Variants in TFG observed in about 807,000 individuals in gnomAD.
TFG encodes the protein protein TFG.
Under a neutral mutation model 51.4 loss-of-function variants are expected in TFG, and 22 were observed. The ratio of observed to expected loss-of-function variants is 0.43; its 90% CI spans 0.31 to 0.61. The LOEUF is 0.61. Among genes scored for constraint, TFG ranks in the 20% least tolerant of loss-of-function variants. The probability of loss-of-function intolerance (pLI) is 0.12; values close to 1 mark genes in which losing one functional copy is unlikely to be tolerated. For missense variants in TFG, 419 were observed against 487.7 expected, an observed-to-expected ratio of 0.86 and a Z score of 1.33; for synonymous variants, 187 against 165.6, an observed-to-expected ratio of 1.13 and a Z score of -0.99.
intron 2 of TFG, among the ~76,000 whole-genome samples, chr3:100,717,299 C>G (rs902835776): frequency 2.0e-5 from 3 of 152,090 alleles, no homozygotes; most frequent in Non-Finnish European, 4.4e-5. Context: ...CCAGTCCATG[C>G]TTATTACAGC....
At chr3:100,728,482 G>A (rs1273182749) in intron 3 of TFG, among the ~76,000 whole-genome samples, 1 of 151,446 alleles carries the variant, frequency 6.6e-6, no homozygotes, top group Non-Finnish European at 1.5e-5. Flanking sequence ...TACCAGTAAG[G>A]TCATAGGCTA....
At chr3:100,730,149 G>A (rs2095087575) in intron 4 of TFG, among the ~76,000 whole-genome samples, 1 of 152,072 alleles carries the variant, frequency 6.6e-6, no homozygotes, top group Non-Finnish European at 1.5e-5. Flanking sequence ...ATAATTTCAG[G>A]GGATTTAACC....
At chr3:100,725,128 G>C (rs1477621835) in intron 3 of TFG, among the ~76,000 whole-genome samples, 1 of 151,896 alleles carries the variant, frequency 6.6e-6, no homozygotes, top group Non-Finnish European at 1.5e-5. Flanking sequence ...GGATGGTCTC[G>C]ATCTCCTGAC....
rs1267056633 is a variant in TFG at position 100,709,694 on chromosome 3, AGGC to A, written c.-64_-62del. 1 of 150,152 alleles carries A rather than the reference AGGC, an allele frequency of 6.7e-6. No individual in the cohort carries two copies. The highest frequency in any genetic ancestry group is 1.5e-5 in the Non-Finnish European group (1 of 67,162). 9.3% of individuals were successfully genotyped at this position (150,152 alleles called of 1,614,324 possible). A position where few individuals can be genotyped will look rare whatever the true frequency, so the allele number is the denominator to read the frequency against. ...GCCCATTCAGCGGAGACCTGCGGAG[AGGC>A]GGCGGCCGCGGCCTCCGCAAGCCGG... is the stretch of plus-strand genomic sequence containing the variant. On this transcript the variant is annotated 5_prime_UTR_variant, in exon 1 of 8. Coordinates refer to ENST00000240851, the MANE Select transcript of TFG (RefSeq NM_006070.6).
At position 100,713,831 on chromosome 3, in the gene TFG, T is replaced by C; in HGVS notation, c.146T>C (p.Leu49Pro). The C allele has an allele frequency of 1.3e-6, 2 of 1,578,392 alleles. No individual in the cohort carries two copies. The highest frequency in any genetic ancestry group is 1.7e-6 in the Non-Finnish European group (2 of 1,155,678). ...MMQRVFRGKL[L>P]SNDEVTIKYK... is the part of the protein sequence containing the mutation. ...CAACGAGTTTTCAGAGGAAAACTTC[T>C]GAGTAATGATGAAGTAACAATAAAG... Residue 49 changes from leucine to proline, a missense_variant, in exon 2 of 8, where the codon CTG (leucine) becomes CCG (proline). Transcript: ENST00000240851.
rs1248749419 is a variant in TFG, at chr3:100,736,556, A to C, written c.581-20A>C. 6.2e-7 allele frequency: 1 copy of C among 1,612,576 alleles called. No homozygotes were observed. Among genetic ancestry groups the C allele is most frequent in the South Asian group, 1.1e-5 (1 of 90,976 alleles). ...AGGCCTTGTGTTGGATACTAAACTGACTTTTTTTTGACTATCCAGGGCCAC... is the reference window on the plus strand; with the variant it reads ...AGGCCTTGTGTTGGATACTAAACTGCCTTTTTTTTGACTATCCAGGGCCAC... On this transcript the variant is annotated intron_variant, in intron 5 of 7. Transcript: ENST00000240851.
intron 5 of TFG, among the ~76,000 whole-genome samples, chr3:100,734,783 A>G (rs768456880): frequency 6.6e-5 from 10 of 152,164 alleles, no homozygotes; most frequent in Non-Finnish European, 1.5e-4. Context: ...AGACTTTTAA[A>G]TTTTGATTTA....
At chr3:100,733,831 G>A (rs1198747662) in intron 5 of TFG, among the ~76,000 whole-genome samples, 3 of 152,210 alleles carry the variant, frequency 2.0e-5, no homozygotes, top group African/African-American at 4.8e-5. Flanking sequence ...AAAGAAAAAG[G>A]TATTTGGGAA....
At chr3:100,723,230 T>C (rs1358564188) in intron 3 of TFG, among the ~76,000 whole-genome samples, 1 of 152,184 alleles carries the variant, frequency 6.6e-6, no homozygotes, top group Non-Finnish European at 1.5e-5. Flanking sequence ...TAATTACCTT[T>C]AGATTTTTTT....
chr3:100,743,463 T>C (rs1214168971), intron 6 of TFG: 2 of 152,244 alleles, frequency 1.3e-5, no homozygotes, highest in Non-Finnish European at 2.9e-5. Context: ...ATTTCTGTGC[T>C]ACCTTTTATG....
Position 100,720,068 on chromosome 3 carries a change from A to G in TFG, c.268+10A>G, listed in dbSNP as rs761808608. On this transcript the variant is annotated intron_variant, in intron 3 of 7. Transcript: ENST00000240851. ...AAACTGACATTATTTGGTGAGTAGT[A>G]AACTTTCTAATGAATTTACTATTTT... 2 of 1,486,424 alleles carry G rather than the reference A, an allele frequency of 1.3e-6. No individual in the cohort carries two copies. The highest frequency in any genetic ancestry group is 4.8e-5 in the East Asian group (2 of 41,758). The allele number at this position is 1,486,424 out of a possible 1,614,324, so 92.1% of individuals were successfully genotyped here. A position where few individuals can be genotyped will look rare whatever the true frequency, so the allele number is the denominator to read the frequency against.
intron 6 of TFG, among the ~76,000 whole-genome samples, chr3:100,740,008 T>C (rs780516926): frequency 6.6e-6 from 1 of 152,102 alleles, no homozygotes; most frequent in Non-Finnish European, 1.5e-5. Context: ...TGTTTCAAGA[T>C]TCGTTTGTTA....
At chr3:100,732,804 A>G (rs567370387) in intron 5 of TFG, 132 bp downstream of exon 5, 152 of 705,528 alleles carry the variant, frequency 2.2e-4, no homozygotes, top group Non-Finnish European at 3.2e-4. Flanking sequence ...CTGCTTAACA[A>G]ATTTTTACAT....
At chr3:100,746,618 T>TAC (rs145559125) in intron 7 of TFG, among the ~76,000 whole-genome samples, 30 of 151,742 alleles carry the variant, frequency 2.0e-4, no homozygotes, top group African/African-American at 4.4e-4. Context: ...ACTATATATA[T>TAC]ACACACACAC....
At chr3:100,711,831 G>C (rs6777763) in intron 1 of TFG, among the ~76,000 whole-genome samples, 5 of 151,830 alleles carry the variant, frequency 3.3e-5, no homozygotes, top group Admixed American at 2.6e-4. Flanking sequence ...TACCATCTTG[G>C]TGAAGTAATT....
chr3:100,729,602 T>C (rs2095085895), intron 4 of TFG, among the ~76,000 whole-genome samples: 1 of 152,052 alleles, frequency 6.6e-6, no homozygotes, highest in South Asian at 2.1e-4. Flanking sequence ...TTTTTTTCTT[T>C]TTACAAATTC....
In TFG at chr3:100,748,486, TC is replaced by T. The variant is rs1183663831; in HGVS notation, c.1161del (p.Phe388LeufsTer23). 6.2e-7 allele frequency: 1 copy of T among 1,613,908 alleles called. No homozygotes were observed. Among genetic ancestry groups the T allele is most frequent in the Non-Finnish European group, 8.5e-7 (1 of 1,179,974 alleles). On this transcript the variant is annotated frameshift_variant, in exon 8 of 8. Transcript: ENST00000240851. LOFTEE classifies it high-confidence loss of function. Reference protein sequence around the residue: ...GPNPYARNRPPFGQGYTQPGP... With the variant: ...GPNPYARNRPXFGQGYTQPGP... ...CTAATCCTTATGCGCGTAACCGTCC[TC>T]CCTTTGGTCAGGGCTATACCCAACC...
At chr3:100,723,203 A>T (rs961037119) in intron 3 of TFG, among the ~76,000 whole-genome samples, 3 of 152,188 alleles carry the variant, frequency 2.0e-5, no homozygotes, top group African/African-American at 7.2e-5. Flanking sequence ...TTAAGGACTT[A>T]TTTGGGAGGA....
At chr3:100,736,554 T>G in intron 5 of TFG, 22 bp from the exon 6 acceptor site, 2 of 1,612,660 alleles carry the variant, frequency 1.2e-6, no homozygotes, top group Non-Finnish European at 1.7e-6. Context: ...GATACTAAAC[T>G]GACTTTTTTT....
Sources: allele counts gnomAD v4.1 joint callset (sites outside exome capture counted in the v4.1 genomes callset), GRCh38; gene constraint gnomAD v4.1.1; transcripts MANE v1.5; gene names NCBI Gene and HGNC (gene_info 2026-07-23, HGNC 2026-07-21).